The following SLC25A26 variants were observed in gnomAD, a reference collection of about 807,000 sequenced individuals.
The protein encoded by SLC25A26 is mitochondrial S-adenosylmethionine carrier protein.
A neutral mutation model predicts 37.8 loss-of-function variants in SLC25A26; 36 were observed. The observed-to-expected ratio is 0.95, with a 90% confidence interval of 0.73 to 1.26. SLC25A26 has a LOEUF of 1.26. Ranked by LOEUF, SLC25A26 falls within the 50% of genes most tolerant of loss-of-function variation. The probability of loss-of-function intolerance (pLI) is 0.00; values close to 1 mark genes in which losing one functional copy is unlikely to be tolerated. For synonymous variants in SLC25A26, 129 were observed against 122.5 expected (o/e 1.05, Z -0.35); for missense variants, 390 against 331.1 (o/e 1.18, Z -1.38).
intron 9 of SLC25A26, chr3:66,371,302 G>T (rs1443829347): frequency 6.5e-7 from 1 of 1,550,020 alleles, no homozygotes; most frequent in Admixed American, 2.0e-5. Context: ...TCAGCTGGCA[G>T]TGCCACCTCC....
At chr3:66,225,253 G>T (rs190374799) in intron 1 of SLC25A26, among the ~76,000 whole-genome samples, 1 of 152,144 alleles carries the variant, frequency 6.6e-6, no homozygotes, top group Non-Finnish European at 1.5e-5. Context: ...ACATCCCGAC[G>T]TTTCCGTACA....
intron 7 of SLC25A26, among the ~76,000 whole-genome samples, chr3:66,369,176 A>G (rs1052641783): frequency 6.6e-6 from 1 of 152,196 alleles, no homozygotes; most frequent in Admixed American, 6.5e-5. Context: ...ATGTGTACAC[A>G]TTCATCATGT....
intron 5 of SLC25A26, among the ~76,000 whole-genome samples, chr3:66,311,253 T>G (rs2075368276): frequency 6.6e-6 from 1 of 152,074 alleles, no homozygotes; most frequent in African/African-American, 2.4e-5. Context: ...CTTCAGTCTC[T>G]GATAGCCTTT....
intron 5 of SLC25A26, among the ~76,000 whole-genome samples, chr3:66,327,913 A>G (rs981947026): frequency 6.6e-6 from 1 of 151,644 alleles, no homozygotes; most frequent in Non-Finnish European, 1.5e-5. Context: ...TTTAATGAAG[A>G]TACAAAAAAT....
At chr3:66,138,712 G>A (rs889864698) in intron 1 of SLC25A26, among the ~76,000 whole-genome samples, 4 of 152,110 alleles carry the variant, frequency 2.6e-5, no homozygotes, top group African/African-American at 9.7e-5. Context: ...AAGGAAGGAG[G>A]CATGGGAGAG....
At chr3:66,323,080 G>A (rs2075739725) in intron 5 of SLC25A26, among the ~76,000 whole-genome samples, 1 of 152,204 alleles carries the variant, frequency 6.6e-6, no homozygotes, top group African/African-American at 2.4e-5. Flanking sequence ...TAGCTGCTCT[G>A]AGCATTAGAA....
chr3:66,190,453 G>C (rs992137799), intron 1 of SLC25A26, among the ~76,000 whole-genome samples: 4 of 152,122 alleles, frequency 2.6e-5, no homozygotes, highest in African/African-American at 9.7e-5. Context: ...TTTTGAGATG[G>C]AGTATCACTC....
chr3:66,207,896 G>T (rs2071201518), intron 1 of SLC25A26, among the ~76,000 whole-genome samples: 1 of 152,240 alleles, frequency 6.6e-6, no homozygotes, highest in South Asian at 2.1e-4. Context: ...CCCAATTGTT[G>T]AGACAGTTTA....
At chr3:66,187,339 G>T (rs993741070) in intron 1 of SLC25A26, among the ~76,000 whole-genome samples, 1 of 151,764 alleles carries the variant, frequency 6.6e-6, no homozygotes, top group Non-Finnish European at 1.5e-5. Context: ...ACTCACCCAG[G>T]CCTCATCCAG....
chr3:66,251,189 T>C (rs1157406882), intron 3 of SLC25A26, among the ~76,000 whole-genome samples: 1 of 152,104 alleles, frequency 6.6e-6, no homozygotes, highest in East Asian at 1.9e-4. Flanking sequence ...CCTTGCCTGC[T>C]ATAGTAAGGA....
chr3:66,306,486 T>C (rs1405792889), intron 5 of SLC25A26, among the ~76,000 whole-genome samples: 1 of 152,180 alleles, frequency 6.6e-6, no homozygotes, highest in Non-Finnish European at 1.5e-5. Context: ...TGTCTCTCTC[T>C]TTTTTCTTTT....
chr3:66,231,497 A>C (rs562964503), intron 1 of SLC25A26, among the ~76,000 whole-genome samples: 5 of 152,122 alleles, frequency 3.3e-5, no homozygotes, highest in Non-Finnish European at 7.4e-5. Flanking sequence ...TGTTATTTAA[A>C]ATTGTTAAAA....
At chr3:66,370,221 C>T (rs1700270534) in intron 8 of SLC25A26, among the ~76,000 whole-genome samples, 1 of 152,336 alleles carries the variant, frequency 6.6e-6, no homozygotes, top group East Asian at 1.9e-4. Context: ...CTAATGATTC[C>T]CCGCCCTCCT....
intron 6 of SLC25A26, among the ~76,000 whole-genome samples, chr3:66,352,386 T>C (rs1331498311): frequency 6.6e-6 from 1 of 151,774 alleles, no homozygotes; most frequent in Non-Finnish European, 1.5e-5. Context: ...CCGGCCACGT[T>C]GCGCTGACTG....
intron 1 of SLC25A26, among the ~76,000 whole-genome samples, chr3:66,179,830 A>G (rs1348530091): frequency 6.6e-6 from 1 of 152,004 alleles, no homozygotes; most frequent in Non-Finnish European, 1.5e-5. Context: ...TATTATTGTT[A>G]TTAATATACA....
intron 1 of SLC25A26, among the ~76,000 whole-genome samples, chr3:66,201,894 A>AAT (rs1261056633): frequency 1.3e-5 from 2 of 152,212 alleles, no homozygotes; most frequent in African/African-American, 2.4e-5. Flanking sequence ...AGACAGATGC[A>AAT]ATATAGAGTA....
upstream of SLC25A26, among the ~76,000 whole-genome samples, chr3:66,219,902 T>A (rs554144679): frequency 3.3e-5 from 5 of 152,274 alleles, no homozygotes; most frequent in South Asian, 1.0e-3. Flanking sequence ...GAAAACTTAA[T>A]CTTGGAAAAC....
chr3:66,155,123 C>T (rs931980819), intron 1 of SLC25A26, among the ~76,000 whole-genome samples: 1 of 152,194 alleles, frequency 6.6e-6, no homozygotes, highest in Admixed American at 6.5e-5. Flanking sequence ...TCCACAAGGG[C>T]AGGACAGTGT....
At chr3:66,345,729 C>T (rs1005638913) in intron 5 of SLC25A26, among the ~76,000 whole-genome samples, 4 of 152,104 alleles carry the variant, frequency 2.6e-5, no homozygotes, top group Non-Finnish European at 5.9e-5. Flanking sequence ...CTAACACTGC[C>T]TGCTAAGGAG....
Sources: allele counts gnomAD v4.1 joint callset (sites outside exome capture counted in the v4.1 genomes callset), GRCh38; gene constraint gnomAD v4.1.1; transcripts MANE v1.5; gene names NCBI Gene and HGNC (gene_info 2026-07-23, HGNC 2026-07-21).